MSRB3: variants seen among roughly 807,000 people sequenced by gnomAD.
MSRB3 encodes the protein methionine-R-sulfoxide reductase B3.
A neutral mutation model predicts 21.0 loss-of-function variants in MSRB3; 13 were observed. The observed-to-expected ratio is 0.62, with a 90% confidence interval of 0.40 to 0.98. The LOEUF (loss-of-function observed/expected upper bound fraction) is 0.98, where lower values mean the gene tolerates loss of function less well. Among genes scored for constraint, MSRB3 ranks in the 50% least tolerant of loss-of-function variants. The probability of loss-of-function intolerance (pLI) is 0.00; values close to 1 mark genes in which losing one functional copy is unlikely to be tolerated. For missense variants in MSRB3, 199 were observed against 230.3 expected, an observed-to-expected ratio of 0.86 and a Z score of 0.88; for synonymous variants, 87 against 88.6, an observed-to-expected ratio of 0.98 and a Z score of 0.10.
chr12:65,460,530 T>C (rs1166263257), intron 6 of MSRB3, among the ~76,000 whole-genome samples: 5 of 152,172 alleles, frequency 3.3e-5, no homozygotes, highest in Admixed American at 2.6e-4. Context: ...CACCTTTCTA[T>C]GTTTTGAGAT....
chr12:65,367,695 G>T (rs1415790916), intron 4 of MSRB3, among the ~76,000 whole-genome samples: 1 of 152,160 alleles, frequency 6.6e-6, no homozygotes, highest in Non-Finnish European at 1.5e-5. Flanking sequence ...TGCAGAATTG[G>T]AGAGAGGGCA....
At chr12:65,284,712 A>G (rs1237556323) in intron 1 of MSRB3, 1 of 152,244 alleles carries the variant, frequency 6.6e-6, no homozygotes, top group Non-Finnish European at 1.5e-5. Flanking sequence ...CAGGAAAAGC[A>G]TCATAGAGAA....
chr12:65,357,491 A>G (rs901286045), intron 4 of MSRB3, among the ~76,000 whole-genome samples: 2 of 152,006 alleles, frequency 1.3e-5, no homozygotes, highest in African/African-American at 4.8e-5. Context: ...ATTAGTGTGG[A>G]ATATTTGTTA....
chr12:65,324,317 C>A (rs1254886598), intron 2 of MSRB3, among the ~76,000 whole-genome samples: 1 of 152,106 alleles, frequency 6.6e-6, no homozygotes, highest in African/African-American at 2.4e-5. Flanking sequence ...AATCTTTATT[C>A]CCCTCCCAAA....
intron 1 of MSRB3, among the ~76,000 whole-genome samples, chr12:65,279,702 A>G (rs1871897164): frequency 6.6e-6 from 1 of 152,174 alleles, no homozygotes; most frequent in Non-Finnish European, 1.5e-5. Context: ...TTATAAGATA[A>G]TCTTCTTGAA....
intron 5 of MSRB3, among the ~76,000 whole-genome samples, chr12:65,417,571 G>A (rs960018439): frequency 6.6e-6 from 1 of 152,242 alleles, no homozygotes; most frequent in East Asian, 1.9e-4. Flanking sequence ...TAGTCACCAT[G>A]ATGTACAATA....
intron 6 of MSRB3, among the ~76,000 whole-genome samples, chr12:65,461,519 A>G (rs1284523238): frequency 2.6e-5 from 4 of 152,196 alleles, no homozygotes; most frequent in Non-Finnish European, 2.9e-5. Flanking sequence ...GTGAAATGAG[A>G]ATGCACTTTT....
Position 65,463,353 on chromosome 12 carries a change from C to T in MSRB3, c.*31C>T, listed in dbSNP as rs1447919923. On this transcript the variant is annotated 3_prime_UTR_variant, in exon 7 of 7. Coordinates refer to ENST00000308259, the MANE Select transcript of MSRB3 (RefSeq NM_001031679.3). The stretch of plus-strand genomic sequence containing the variant: ...TGGAGAGTGATGGAAACAAAGTGTA[C>T]TTAATGCACAGCTTATTAAAAAAAT... 12 of 1,612,712 alleles carry T rather than the reference C, an allele frequency of 7.4e-6. No individual in the cohort carries two copies. The highest frequency in any genetic ancestry group is 1.3e-5 in the African/African-American group (1 of 75,024).
intron 5 of MSRB3, among the ~76,000 whole-genome samples, chr12:65,430,634 G>A (rs569480114): frequency 6.6e-6 from 1 of 152,050 alleles, no homozygotes; most frequent in African/African-American, 2.4e-5. Context: ...TTTGTTGTTT[G>A]TTAATTTCCT....
At chr12:65,425,037 T>TTTTATA (rs1555212487) in intron 5 of MSRB3, among the ~76,000 whole-genome samples, 1 of 61,408 alleles carries the variant, frequency 1.6e-5, no homozygotes, top group Non-Finnish European at 3.3e-5. Context: ...GGTTTTGGTT[T>TTTTATA]TATATGTATA....
At chr12:65,442,089 T>C (rs954836821) in intron 5 of MSRB3, among the ~76,000 whole-genome samples, 2 of 152,080 alleles carry the variant, frequency 1.3e-5, no homozygotes, top group African/African-American at 4.8e-5. Flanking sequence ...AAAGGTGTTG[T>C]AGATCAGTGA....
intron 4 of MSRB3, among the ~76,000 whole-genome samples, chr12:65,334,533 T>C (rs1381142063): frequency 2.0e-5 from 3 of 151,624 alleles, no homozygotes; most frequent in Non-Finnish European, 4.4e-5. Context: ...GAAACATGCA[T>C]ACACACACAC....
intron 5 of MSRB3, among the ~76,000 whole-genome samples, chr12:65,451,584 C>T (rs950398202): frequency 2.0e-5 from 3 of 152,078 alleles, no homozygotes; most frequent in South Asian, 2.1e-4. Context: ...TCTGTTCCCT[C>T]CCACCCCCAA....
Position 65,466,421 on chromosome 12 carries a change from A to G in MSRB3, c.*3099A>G, listed in dbSNP as rs536036545. The G allele has an allele frequency of 6.6e-6, 1 of 152,306 alleles. No homozygotes were observed. Among genetic ancestry groups the G allele is most frequent in the East Asian group, 1.9e-4 (1 of 5,182 alleles). 9.4% of individuals were successfully genotyped at this position (152,306 alleles called of 1,614,324 possible). On this transcript the variant is annotated 3_prime_UTR_variant, in exon 7 of 7. Coordinates refer to ENST00000308259, the MANE Select transcript of MSRB3 (RefSeq NM_001031679.3). ...GAACTGAGTCAATATGGCAAGGTGT[A>G]TGTGATCTGTGGGAGTTATGCCATT...
chr12:65,436,470 T>C (rs980949388), intron 5 of MSRB3, among the ~76,000 whole-genome samples: 14 of 151,866 alleles, frequency 9.2e-5, no homozygotes, highest in African/African-American at 3.4e-4. Flanking sequence ...TGTAATCCCA[T>C]ATATTTGTTC....
intron 1 of MSRB3, chr12:65,286,167 T>C (rs1270552298): frequency 6.6e-6 from 1 of 152,238 alleles, no homozygotes; most frequent in Non-Finnish European, 1.5e-5. Flanking sequence ...TTATAGAGTC[T>C]ATGGACACTT....
chr12:65,457,570 A>C (rs1392630842), intron 6 of MSRB3, among the ~76,000 whole-genome samples: 1 of 152,150 alleles, frequency 6.6e-6, no homozygotes, highest in Non-Finnish European at 1.5e-5. Context: ...TTATGGCTGC[A>C]TAGTATTCCA....
chr12:65,285,481 A>G (rs1872285195), intron 1 of MSRB3: 1 of 152,206 alleles, frequency 6.6e-6, no homozygotes, highest in Admixed American at 6.5e-5. Flanking sequence ...TTACACGATT[A>G]AAGAGGTTTA....
intron 5 of MSRB3, among the ~76,000 whole-genome samples, chr12:65,426,836 T>C (rs1316407421): frequency 2.0e-5 from 3 of 152,134 alleles, no homozygotes; most frequent in African/African-American, 4.8e-5. Flanking sequence ...TACTTCTCTA[T>C]GGGTTTTAAA....
Sources: allele counts gnomAD v4.1 joint callset (sites outside exome capture counted in the v4.1 genomes callset), GRCh38; gene constraint gnomAD v4.1.1; transcripts MANE v1.5; gene names NCBI Gene and HGNC (gene_info 2026-07-23, HGNC 2026-07-21).